The following HACL1 variants were observed in gnomAD, a reference collection of about 807,000 sequenced individuals.
HACL1 encodes the protein 2-hydroxyacyl-CoA lyase 1, also known as 1600020H07Rik.
A neutral mutation model predicts 74.2 loss-of-function variants in HACL1; 64 were observed. The observed-to-expected ratio is 0.86, with a 90% CI of 0.70 to 1.06. HACL1 has a LOEUF of 1.06. Ranked by LOEUF, HACL1 falls within the 50% of genes least tolerant of loss-of-function variation. The pLI, the probability that HACL1 is intolerant of heterozygous loss-of-function variation, is 0.00. For missense variants in HACL1, 728 were observed against 719.7 expected, an observed-to-expected ratio of 1.01 and a Z score of -0.13; for synonymous variants, 230 against 238.8, an observed-to-expected ratio of 0.96 and a Z score of 0.34.
At chr3:15,576,218 G>A (rs1419634551) in intron 9 of HACL1, among the ~76,000 whole-genome samples, 1 of 144,280 alleles carries the variant, frequency 6.9e-6, no homozygotes, top group Non-Finnish European at 1.5e-5. Flanking sequence ...AACTTTTAAA[G>A]GCTACATATT....
At chr3:15,601,237 C>G in intron 1 of HACL1, 43 bp from the exon 2 acceptor site, 1 of 1,539,946 alleles carries the variant, frequency 6.5e-7, no homozygotes, top group Non-Finnish European at 9.0e-7. Context: ...AAGGCCCCAC[C>G]ATATCGCCAC....
intron 7 of HACL1, 89 bp downstream of exon 7, chr3:15,585,159 T>C (rs1221907567): frequency 4.4e-6 from 3 of 681,594 alleles, no homozygotes; most frequent in Non-Finnish European, 7.9e-6. Flanking sequence ...AATTAACTTA[T>C]AAACTGCTGG....
At chr3:15,593,207 G>GTA (rs1388238565) in intron 3 of HACL1, among the ~76,000 whole-genome samples, 8 of 140,576 alleles carry the variant, frequency 5.7e-5, no homozygotes, top group Admixed American at 1.4e-4. Context: ...GTGCGTGTGT[G>GTA]TATATATATA....
intron 9 of HACL1, among the ~76,000 whole-genome samples, chr3:15,575,945 C>T (rs1254535677): frequency 6.6e-6 from 1 of 151,526 alleles, no homozygotes; most frequent in Non-Finnish European, 1.5e-5. Flanking sequence ...ATCATGAGGT[C>T]AACAGATGGA....
intron 8 of HACL1, among the ~76,000 whole-genome samples, chr3:15,582,096 A>G (rs1229341278): frequency 1.3e-5 from 2 of 152,298 alleles, no homozygotes; most frequent in East Asian, 3.9e-4. Flanking sequence ...TTTAGTTTCT[A>G]CAGATTTAGT....
intron 10 of HACL1, among the ~76,000 whole-genome samples, chr3:15,574,151 G>A (rs1409839334): frequency 6.6e-6 from 1 of 152,158 alleles, no homozygotes; most frequent in Non-Finnish European, 1.5e-5. Context: ...AATTGCTTGA[G>A]GCCAGGAGAA....
At chr3:15,587,640 A>T (rs2125269338) in intron 5 of HACL1, among the ~76,000 whole-genome samples, 1 of 152,348 alleles carries the variant, frequency 6.6e-6, no homozygotes, top group Non-Finnish European at 1.5e-5. Flanking sequence ...TTTCTGCAGT[A>T]ACTTTAGATT....
At chr3:15,567,122 G>C (rs1265702619) in intron 14 of HACL1, among the ~76,000 whole-genome samples, 2 of 151,026 alleles carry the variant, frequency 1.3e-5, no homozygotes, top group African/African-American at 4.9e-5. Context: ...GCCCAGCCTT[G>C]GTTAAGTGAC....
Position 15,571,732 on chromosome 3 carries a change from G to C in HACL1, c.1031C>G (p.Pro344Arg). 2.0e-6 allele frequency: 3 copies of C among 1,520,718 alleles called. No homozygotes were observed. Among genetic ancestry groups the C allele is most frequent in the Non-Finnish European group, 2.7e-6 (3 of 1,101,792 alleles). The allele number at this position is 1,520,718 out of a possible 1,614,324, so 94.2% of individuals were successfully genotyped here. A position where few individuals can be genotyped will look rare whatever the true frequency, so the allele number is the denominator to read the frequency against. ...AGTTTTCCACCACTTGCTCTCTGGA[G>C]GATACTGCCATGGTGTTTTATCAAG... ...EELDKTPWQY[P>R]PESKWWKTLR... The change falls in exon 12 of 17, where the codon CCT (proline) becomes CGT (arginine). Residue 344 changes from proline (P) to arginine (R), a missense_variant. Pro to Arg is a moderately radical substitution (Grantham distance 103). Transcript: ENST00000321169.
At chr3:15,591,100 CTAAG>C (rs762148791) in intron 4 of HACL1, among the ~76,000 whole-genome samples, 8 of 152,072 alleles carry the variant, frequency 5.3e-5, no homozygotes, top group Non-Finnish European at 1.0e-4. Flanking sequence ...GTGTTTATCT[CTAAG>C]TAACTAAATT....
chr3:15,580,894 C>T (rs1328142144), intron 8 of HACL1, among the ~76,000 whole-genome samples: 1 of 152,148 alleles, frequency 6.6e-6, no homozygotes, highest in African/African-American at 2.4e-5. Flanking sequence ...CAGTGGGACA[C>T]ATTATCTTTT....
intron 4 of HACL1, among the ~76,000 whole-genome samples, chr3:15,591,084 A>G (rs1490453725): frequency 1.3e-5 from 2 of 152,172 alleles, no homozygotes; most frequent in Non-Finnish European, 2.9e-5. Context: ...GTCTCAAAAA[A>G]AGAAAGTGTT....
chr3:15,581,409 A>C (rs2063714601), intron 8 of HACL1, among the ~76,000 whole-genome samples: 1 of 152,214 alleles, frequency 6.6e-6, no homozygotes, highest in Non-Finnish European at 1.5e-5. Context: ...CCTAGTAAAC[A>C]GTATCATGCA....
intron 7 of HACL1, among the ~76,000 whole-genome samples, chr3:15,583,638 CTT>C (rs562864590): frequency 2.1e-5 from 3 of 143,896 alleles, no homozygotes; most frequent in East Asian, 4.1e-4. Context: ...CCACATTTCT[CTT>C]TTTTTTTTTT....
In HACL1 at chr3:15,566,656, G is replaced by GA. The variant is rs1005975974; in HGVS notation, c.1409+1187dup. ...GGGTGACAAAGCAAGACCCCATCTT[G>GA]AAAAAAAAAAACTGCTTGGATTACC... On this transcript the variant is annotated intron_variant, in intron 14 of 16. Coordinates refer to ENST00000321169, the MANE Select transcript of HACL1 (RefSeq NM_012260.4). Among the ~76,000 whole-genome samples the GA allele has an allele frequency of 1.0e-2, 1,410 of 141,212 alleles. 16 individuals are homozygous for GA. The highest frequency in any genetic ancestry group is 0.033 in the African/African-American group (1,296 of 38,696). The allele number at this position is 141,212 out of a possible 152,430, so 92.6% of individuals were successfully genotyped here.
At chr3:15,563,042 TTTCC>T (rs1171188607) in intron 16 of HACL1, among the ~76,000 whole-genome samples, 1 of 152,284 alleles carries the variant, frequency 6.6e-6, no homozygotes, top group Admixed American at 6.5e-5. Flanking sequence ...ACTGGATTCC[TTTCC>T]TTCCAAGTAA....
intron 16 of HACL1, among the ~76,000 whole-genome samples, chr3:15,562,759 C>T (rs978417502): frequency 1.3e-5 from 2 of 152,184 alleles, no homozygotes; most frequent in African/African-American, 4.8e-5. Flanking sequence ...CTGCTGTAAT[C>T]AACACTGCAG....
intron 3 of HACL1, among the ~76,000 whole-genome samples, chr3:15,593,796 C>CTTTTTTTTTTTTTTTTTTTTTTTTTTT (rs1322426326): frequency 9.0e-6 from 1 of 111,366 alleles, no homozygotes; most frequent in Admixed American, 9.2e-5. Context: ...TTTTTTTTGT[C>CTTTTTTTTTTTTTTTTTTTTTTTTTTT]TTTTTTTTTT....
chr3:15,592,541 T>G (rs906167128), intron 3 of HACL1, among the ~76,000 whole-genome samples: 1 of 147,484 alleles, frequency 6.8e-6, no homozygotes, highest in Admixed American at 7.1e-5. Flanking sequence ...TGTATACACA[T>G]GTACGCACAT....
Sources: gnomAD v4.1 joint callset for allele counts (sites outside exome capture counted in the v4.1 genomes callset) on GRCh38, gnomAD v4.1.1 for gene constraint, MANE v1.5 for transcripts, NCBI Gene and HGNC (gene_info 2026-07-23, HGNC 2026-07-21) for gene names.